Variants in GLYR1 observed in about 807,000 individuals in gnomAD.
The protein encoded by GLYR1 is cytokine-like nuclear factor N-PAC.
In GLYR1, 21 loss-of-function variants were observed where a neutral mutation model predicts 72.7. The observed-to-expected ratio is 0.29, with a 90% CI of 0.20 to 0.42. GLYR1 has a LOEUF of 0.42. GLYR1 is among the 10% of genes least tolerant of loss of function. The pLI is 1.00. For synonymous variants in GLYR1, 392 were observed against 270.2 expected (o/e 1.45, Z -4.42); for missense variants, 594 against 712.1 (o/e 0.83, Z 1.89).
intron 15 of GLYR1, among the ~76,000 whole-genome samples, chr16:4,807,494 T>C (rs2083059590): frequency 6.6e-6 from 1 of 152,134 alleles, no homozygotes; most frequent in South Asian, 2.1e-4. Context: ...AATGATAAAA[T>C]GGCAGCCCCA....
intron 5 of GLYR1, among the ~76,000 whole-genome samples, chr16:4,826,135 C>T (rs1418629114): frequency 6.6e-6 from 1 of 151,900 alleles, no homozygotes; most frequent in Non-Finnish European, 1.5e-5. Context: ...GCAGCCTCAA[C>T]CACTTGAGCT....
At chr16:4,846,250 G>C (rs746072899) in intron 1 of GLYR1, 40 bp from the exon 2 acceptor site, 1 of 1,609,914 alleles carries the variant, frequency 6.2e-7, no homozygotes, top group South Asian at 1.1e-5. Context: ...CCCTGCAAAA[G>C]CCAGTCCATC....
At chr16:4,847,188 T>C (rs1341116798) in intron 1 of GLYR1, 40 bp downstream of exon 1, 12 of 1,567,426 alleles carry the variant, frequency 7.7e-6, no homozygotes, top group Non-Finnish European at 1.0e-5. Flanking sequence ...GGCGGGTAGC[T>C]CCCCGGCGCG....
At chr16:4,808,764 A>G (rs1422354198) in intron 15 of GLYR1, among the ~76,000 whole-genome samples, 1 of 151,882 alleles carries the variant, frequency 6.6e-6, no homozygotes, top group Non-Finnish European at 1.5e-5. Flanking sequence ...TTCTATGAAG[A>G]TGAGCTAAGA....
At chr16:4,844,141 C>T (rs1387832449) in intron 3 of GLYR1, among the ~76,000 whole-genome samples, 1 of 150,428 alleles carries the variant, frequency 6.6e-6, no homozygotes, top group East Asian at 1.9e-4. Context: ...AAAATCAAAC[C>T]ATCTAGCTAG....
intron 4 of GLYR1, 129 bp from the exon 5 acceptor site, chr16:4,832,350 A>G (rs1032358266): frequency 2.2e-5 from 25 of 1,146,856 alleles, no homozygotes; most frequent in Non-Finnish European, 2.7e-5. Flanking sequence ...CTAGAAATAG[A>G]TTCTGCTGTC....
intron 3 of GLYR1, 175 bp from the exon 4 acceptor site, chr16:4,833,087 T>C (rs180771364): frequency 1.8e-4 from 88 of 489,948 alleles, no homozygotes; most frequent in African/African-American, 1.5e-3. Context: ...ATGTCTAAAG[T>C]ATATTTTCTT....
At chr16:4,831,377 G>A (rs1296021504) in intron 5 of GLYR1, among the ~76,000 whole-genome samples, 3 of 152,140 alleles carry the variant, frequency 2.0e-5, no homozygotes, top group East Asian at 1.9e-4. Context: ...ACTCCAAGAC[G>A]CTTTAGTACC....
intron 5 of GLYR1, among the ~76,000 whole-genome samples, chr16:4,829,175 A>G (rs933367526): frequency 3.3e-5 from 5 of 152,054 alleles, no homozygotes; most frequent in African/African-American, 1.2e-4. Flanking sequence ...GTCATCTAAC[A>G]GTGAGAAGGG....
At chr16:4,821,744 A>T (rs752151920) in intron 7 of GLYR1, 147 bp from the exon 8 acceptor site, 31 of 715,110 alleles carry the variant, frequency 4.3e-5, no homozygotes, top group Non-Finnish European at 6.9e-5. Context: ...TTTACACTAG[A>T]AAGTTCATAC....
At chr16:4,805,468 G>A (rs920173411) in intron 15 of GLYR1, among the ~76,000 whole-genome samples, 158 bp from the exon 16 acceptor site, 3 of 152,204 alleles carry the variant, frequency 2.0e-5, no homozygotes, top group East Asian at 1.9e-4. Context: ...AAGCACCTCC[G>A]TTTCTCTGGA....
At chr16:4,829,401 G>A (rs2084640047) in intron 5 of GLYR1, among the ~76,000 whole-genome samples, 2 of 151,900 alleles carry the variant, frequency 1.3e-5, no homozygotes, top group African/African-American at 2.4e-5. Context: ...GACCTCCTGG[G>A]CTCAAGTGAT....
chr16:4,844,113 CAA>C (rs1190119741), intron 3 of GLYR1, among the ~76,000 whole-genome samples: 38 of 69,180 alleles, frequency 5.5e-4, no homozygotes, highest in African/African-American at 7.5e-4. Context: ...AACTCCATCT[CAA>C]AAAAAAAAAA....
rs1269794337 is a variant in GLYR1, at chr16:4,804,678, T to C, written c.*558A>G. ...ATCTTTCTCAGCTCATCACCTGAGG[T>C]TGGAGGGCCCCAAGGGCCCCTCTGT... On this transcript the variant is annotated 3_prime_UTR_variant, in exon 16 of 16. Coordinates refer to ENST00000321919, the MANE Select transcript of GLYR1 (RefSeq NM_032569.4). 3 of 158,718 alleles carry C rather than the reference T, an allele frequency of 1.9e-5. No homozygotes were observed. The highest frequency in any genetic ancestry group is 6.0e-5 in the Admixed American group (1 of 16,718). 9.8% of individuals were successfully genotyped at this position (158,718 alleles called of 1,614,324 possible).
At position 4,822,260 on chromosome 16, in the gene GLYR1, T is replaced by A. The variant is rs2084082660; in HGVS notation, c.681+615A>T. Among the ~76,000 whole-genome samples the A allele has an allele frequency of 2.6e-5, 4 of 152,142 alleles. No homozygotes were observed. In the South Asian group the frequency reaches 8.3e-4, roughly 32 times the overall value. On this transcript the variant is annotated intron_variant, in intron 7 of 15. Coordinates refer to ENST00000321919, the MANE Select transcript of GLYR1 (RefSeq NM_032569.4). Reference sequence around the variant, plus strand: ...CACCACCATGCCCAGCTAATTTTTGTATTTTCAGTAGAGATGGGGTTTCAC... The same window carrying A: ...CACCACCATGCCCAGCTAATTTTTGAATTTTCAGTAGAGATGGGGTTTCAC...
intron 5 of GLYR1, among the ~76,000 whole-genome samples, chr16:4,826,932 G>A (rs1843407128): frequency 6.6e-6 from 1 of 152,214 alleles, no homozygotes; most frequent in Admixed American, 6.5e-5. Flanking sequence ...CTAAGGAAGG[G>A]CCCCAACTCC....
At chr16:4,843,697 C>T (rs1054441582) in intron 3 of GLYR1, 4 of 1,204,028 alleles carry the variant, frequency 3.3e-6, no homozygotes, top group African/African-American at 1.6e-5. Context: ...AGTAGAAATA[C>T]TTTAACCGTC....
At chr16:4,841,360 C>G (rs2085532359) in intron 3 of GLYR1, among the ~76,000 whole-genome samples, 1 of 146,554 alleles carries the variant, frequency 6.8e-6, no homozygotes, top group African/African-American at 2.5e-5. Context: ...GTGGCTCATG[C>G]CCATAATGCC....
chr16:4,847,043 C>T lies in GLYR1; in HGVS notation c.38+185G>A. 6 of 588,622 alleles carry T rather than the reference C, an allele frequency of 1.0e-5. 1 individual carries two copies. The South Asian group carries it at 1.0e-4, about 10-fold the overall frequency. 36.5% of individuals were successfully genotyped at this position (588,622 alleles called of 1,614,324 possible). On this transcript the variant is annotated intron_variant, in intron 1 of 15. Coordinates refer to ENST00000321919, the MANE Select transcript of GLYR1 (RefSeq NM_032569.4). The stretch of plus-strand genomic sequence containing the variant: ...CGGTGCCCGACGTGGCCACCCTCGG[C>T]CTCGGTCCCCCGGGACTGGACTGCC...
Sources: allele counts gnomAD v4.1 joint callset (sites outside exome capture counted in the v4.1 genomes callset), GRCh38; gene constraint gnomAD v4.1.1; transcripts MANE v1.5; gene names NCBI Gene and HGNC (gene_info 2026-07-23, HGNC 2026-07-21).